The following MICAL3 variants were observed in gnomAD, a reference collection of about 807,000 sequenced individuals.
MICAL3 encodes the protein microtubule associated monooxygenase, calponin and LIM domain containing 3, also known as [F-actin]-monooxygenase MICAL3.
MICAL3 carries 62 observed loss-of-function variants against 207.4 expected under a neutral mutation model. The ratio of observed to expected loss-of-function variants is 0.30; its 90% CI spans 0.24 to 0.37. The LOEUF (loss-of-function observed/expected upper bound fraction) is 0.37. MICAL3 is among the 10% of genes least tolerant of loss of function. The pLI, the probability that MICAL3 is intolerant of heterozygous loss-of-function variation, is 1.00. For synonymous variants in MICAL3, 1,077 were observed against 1,069.3 expected, an observed-to-expected ratio of 1.01 and a Z score of -0.14; for missense variants, 2,368 against 2,635.6, an observed-to-expected ratio of 0.90 and a Z score of 2.22.
chr22:17,832,468 C>T (rs1028861131), intron 20 of MICAL3, among the ~76,000 whole-genome samples: 2 of 152,130 alleles, frequency 1.3e-5, no homozygotes, highest in African/African-American at 2.4e-5. Context: ...CTCACGGAGC[C>T]CATGGAAGTT....
chr22:17,802,253 C>T (rs148808496), intron 29 of MICAL3, among the ~76,000 whole-genome samples: 287 of 152,092 alleles, frequency 1.9e-3, no homozygotes, highest in African/African-American at 6.4e-3. Context: ...TTTATAGAGA[C>T]GGGGTTTCAC....
intron 19 of MICAL3, among the ~76,000 whole-genome samples, chr22:17,851,506 T>C (rs1466112882): frequency 6.6e-6 from 1 of 152,226 alleles, no homozygotes; most frequent in African/African-American, 2.4e-5. Context: ...GGGTAGGCAG[T>C]CAATAAAGTG....
intron 22 of MICAL3, among the ~76,000 whole-genome samples, chr22:17,825,485 C>T (rs1222663974): frequency 2.7e-5 from 3 of 110,650 alleles, no homozygotes; most frequent in East Asian, 2.5e-4. Context: ...TGCCCCACCG[C>T]CCTAGGGACC....
At chr22:17,942,233 C>T (rs540714186) in intron 1 of MICAL3, among the ~76,000 whole-genome samples, 8 of 152,304 alleles carry the variant, frequency 5.3e-5, no homozygotes, top group Middle Eastern at 3.4e-3. Flanking sequence ...GCCAAGTGGG[C>T]GAAGGCAGTC....
intron 7 of MICAL3, among the ~76,000 whole-genome samples, chr22:17,898,461 T>C (rs1270428931): frequency 1.3e-5 from 2 of 152,206 alleles, no homozygotes; most frequent in African/African-American, 2.4e-5. Flanking sequence ...AAGAGGGGGC[T>C]CTCTGCCACC....
intron 1 of MICAL3, among the ~76,000 whole-genome samples, chr22:17,920,025 C>T (rs750549884): frequency 6.6e-6 from 1 of 152,188 alleles, no homozygotes; most frequent in Non-Finnish European, 1.5e-5. Context: ...GAGAAAGCCA[C>T]GAAGCTGCCA....
chr22:17,950,337 G>GTTTTTTTTTTTTTTTTTTTTT (rs764642603), intron 1 of MICAL3, among the ~76,000 whole-genome samples: 1 of 89,334 alleles, frequency 1.1e-5, no homozygotes, highest in African/African-American at 3.8e-5. Context: ...TTTTGTTTTT[G>GTTTTTTTTTTTTTTTTTTTTT]TTTTTTTTTT....
intron 16 of MICAL3, chr22:17,872,970 C>G: frequency 4.2e-6 from 3 of 711,302 alleles, no homozygotes; most frequent in Non-Finnish European, 2.5e-6. Flanking sequence ...AATTTGAATA[C>G]AAGGTGCAGC....
At chr22:17,872,768 G>A (rs1205009411) in intron 16 of MICAL3, 2 of 1,612,948 alleles carry the variant, frequency 1.2e-6, no homozygotes, top group African/African-American at 2.7e-5. Flanking sequence ...TGTCTAGAAG[G>A]GCTTTGGGTT....
At chr22:17,881,175 C>T (rs766308213) in intron 16 of MICAL3, 1 of 1,574,482 alleles carries the variant, frequency 6.4e-7, no homozygotes, top group South Asian at 1.1e-5. Context: ...CAGACAGAGA[C>T]AGGAACATGG....
intron 29 of MICAL3, among the ~76,000 whole-genome samples, chr22:17,804,016 C>T (rs144896920): frequency 1.5e-3 from 222 of 152,298 alleles, no homozygotes; most frequent in African/African-American, 5.1e-3. Flanking sequence ...GGAAGGCATG[C>T]GTGCCTAAGT....
chr22:17,963,151 C>G (rs969167784), intron 1 of MICAL3, among the ~76,000 whole-genome samples: 2 of 152,114 alleles, frequency 1.3e-5, no homozygotes, highest in Non-Finnish European at 2.9e-5. Flanking sequence ...CTCACTCTGT[C>G]GCCCAGACTG....
intron 1 of MICAL3, among the ~76,000 whole-genome samples, chr22:17,947,554 C>T (rs540451752): frequency 6.6e-6 from 1 of 152,286 alleles, no homozygotes; most frequent in Non-Finnish European, 1.5e-5. Flanking sequence ...ATGCCTCAAT[C>T]CCCTCAAGAT....
In MICAL3 at chr22:17,950,348, T is replaced by TG. The variant is rs1044753496; in HGVS notation, c.-74-43463_-74-43462insC. ...GGCGTTTTGTTTTTGTTTTTTTTTTTTTTTTTTTTTTTGAGACGAAGTTTC... is the reference window on the plus strand; with the variant it reads ...GGCGTTTTGTTTTTGTTTTTTTTTTTGTTTTTTTTTTTTGAGACGAAGTTTC... On this transcript the variant is annotated intron_variant, in intron 1 of 31. Coordinates refer to ENST00000441493, the MANE Select transcript of MICAL3 (RefSeq NM_015241.3). Among the ~76,000 whole-genome samples, 7 of 146,908 alleles carry TG rather than the reference T, an allele frequency of 4.8e-5. No individual in the cohort carries two copies. The East Asian group carries it at 6.0e-4, about 13-fold the overall frequency.
intron 1 of MICAL3, among the ~76,000 whole-genome samples, chr22:17,944,642 G>A (rs563501407): frequency 2.0e-5 from 3 of 152,316 alleles, no homozygotes; most frequent in East Asian, 1.9e-4. Flanking sequence ...ACCCACTGAC[G>A]ATAGGACTGT....
intron 1 of MICAL3, among the ~76,000 whole-genome samples, chr22:17,911,914 A>G (rs1195425317): frequency 1.3e-5 from 2 of 152,250 alleles, no homozygotes; most frequent in East Asian, 3.8e-4. Context: ...AATCGCCAAC[A>G]TGCCTCGGGC....
chr22:17,944,693 C>G (rs549167650), intron 1 of MICAL3, among the ~76,000 whole-genome samples: 1 of 152,324 alleles, frequency 6.6e-6, no homozygotes, highest in Admixed American at 6.5e-5. Flanking sequence ...TACACCCTTT[C>G]ACGTGCCGCT....
At chr22:18,018,764 C>CACACACACACACA in intron 1 of MICAL3, among the ~76,000 whole-genome samples, 1 of 126,170 alleles carries the variant, frequency 7.9e-6, no homozygotes, top group Admixed American at 8.7e-5. Flanking sequence ...ATCTATCTAT[C>CACACACACACACA]TATCTACACA....
intron 16 of MICAL3, chr22:17,876,716 G>GGTTATGGCA (rs1556157987): frequency 6.8e-6 from 1 of 147,762 alleles, no homozygotes; most frequent in Non-Finnish European, 1.5e-5. Context: ...AGGTTAGGGA[G>GGTTATGGCA]GTTATGGAGG....
Sources: gnomAD v4.1 joint callset for allele counts (sites outside exome capture counted in the v4.1 genomes callset) on GRCh38, gnomAD v4.1.1 for gene constraint, MANE v1.5 for transcripts, NCBI Gene and HGNC (gene_info 2026-07-23, HGNC 2026-07-21) for gene names.